NAV2: variants seen among roughly 807,000 people sequenced by gnomAD.
NAV2 encodes the protein helicase, APC down-regulated 1.
Under a neutral mutation model 223.2 loss-of-function variants are expected in NAV2, and 54 were observed. That is an observed-to-expected ratio of 0.24 (90% CI 0.19 to 0.30). The LOEUF (loss-of-function observed/expected upper bound fraction) is 0.30, where lower values mean the gene tolerates loss of function less well. Among genes scored for constraint, NAV2 ranks in the 10% least tolerant of loss-of-function variants. The pLI, the probability that NAV2 is intolerant of heterozygous loss-of-function variation, is 1.00. For missense variants in NAV2, 2,806 were observed against 3,147.5 expected, an observed-to-expected ratio of 0.89 and a Z score of 2.60; for synonymous variants, 1,279 against 1,239.3, an observed-to-expected ratio of 1.03 and a Z score of -0.67.
intron 15 of NAV2, 51 bp downstream of exon 15, chr11:20,049,246 A>G: frequency 7.5e-7 from 1 of 1,327,046 alleles, no homozygotes; most frequent in South Asian, 1.4e-5. Flanking sequence ...CCTTCCAAAA[A>G]TAAAAAGATT....
At chr11:19,808,599 A>G (rs1306914351) in intron 1 of NAV2, among the ~76,000 whole-genome samples, 5 of 152,230 alleles carry the variant, frequency 3.3e-5, no homozygotes, top group Non-Finnish European at 7.3e-5. Context: ...TAGCAAGTTT[A>G]TCTGCTAGTG....
intron 8 of NAV2, among the ~76,000 whole-genome samples, chr11:19,944,479 T>C (rs1565612544): frequency 1.3e-5 from 2 of 151,614 alleles, no homozygotes; most frequent in South Asian, 4.2e-4. Flanking sequence ...TCTCTTCTTC[T>C]CCTTTCCCCT....
At chr11:19,622,213 T>C (rs1378055941) in intron 1 of NAV2, among the ~76,000 whole-genome samples, 1 of 152,244 alleles carries the variant, frequency 6.6e-6, no homozygotes, top group Non-Finnish European at 1.5e-5. Flanking sequence ...GATGTGGTGC[T>C]GAGAAGAATG....
rs917577474 is a variant in NAV2, at chr11:19,799,057, G to A, written c.268-33427G>A. Reference sequence around the variant, plus strand: ...GCAAGACCATGCCAAGGTCTCAGGGGCTGGGACTTTATCTTGAGGATAATA... The same window carrying A: ...GCAAGACCATGCCAAGGTCTCAGGGACTGGGACTTTATCTTGAGGATAATA... On this transcript the variant is annotated intron_variant, in intron 1 of 37. Coordinates refer to ENST00000349880, the MANE Select transcript of NAV2 (RefSeq NM_145117.5). 9.9e-5 allele frequency among the ~76,000 whole-genome samples: 15 copies of A among 152,202 alleles called. 1 individual carries two copies. Among genetic ancestry groups the A allele is most frequent in the Admixed American group, 9.8e-4 (15 of 15,282 alleles).
chr11:19,615,612 T>A (rs1005482892), intron 1 of NAV2, among the ~76,000 whole-genome samples: 1 of 152,140 alleles, frequency 6.6e-6, no homozygotes, highest in African/African-American at 2.4e-5. Context: ...TATATACATA[T>A]ACACATATAT....
chr11:19,381,172 A>T (rs1473573482), intron 1 of NAV2, among the ~76,000 whole-genome samples: 1 of 151,980 alleles, frequency 6.6e-6, no homozygotes, highest in Non-Finnish European at 1.5e-5. Context: ...TGACCCACCA[A>T]AGTTGAGGGA....
chr11:19,722,529 C>T (rs1301199785), intron 1 of NAV2, among the ~76,000 whole-genome samples: 3 of 152,184 alleles, frequency 2.0e-5, no homozygotes, highest in Admixed American at 6.5e-5. Flanking sequence ...TGTTCCATAG[C>T]CTGGCCATTA....
Position 19,907,509 on chromosome 11 carries a change from C to T in NAV2, c.931+14915C>T, listed in dbSNP as rs570564931. On this transcript the variant is annotated intron_variant, in intron 6 of 37. Transcript: ENST00000349880. ...TGTCACTTATTGATTCTTGAAATTC[C>T]CCCACTGCCACTCATAGGGGGAGGG... 7.0e-4 allele frequency among the ~76,000 whole-genome samples: 92 copies of T among 130,884 alleles called. 1 individual carries two copies. Among genetic ancestry groups the T allele is most frequent in the Middle Eastern group, 7.8e-3 (2 of 256 alleles). 85.9% of individuals were successfully genotyped at this position (130,884 alleles called of 152,430 possible). A position where few individuals can be genotyped will look rare whatever the true frequency, so the allele number is the denominator to read the frequency against.
chr11:19,701,835 G>A (rs1400583995), intron 1 of NAV2, among the ~76,000 whole-genome samples: 5 of 152,178 alleles, frequency 3.3e-5, no homozygotes. Flanking sequence ...TGGATTTGGA[G>A]AGGGAACGGA....
At chr11:19,749,398 T>C (rs1447943332) in intron 1 of NAV2, among the ~76,000 whole-genome samples, 1 of 152,226 alleles carries the variant, frequency 6.6e-6, no homozygotes, top group African/African-American at 2.4e-5. Context: ...TAAAATGTCG[T>C]TATTTTTTAT....
intron 6 of NAV2, among the ~76,000 whole-genome samples, chr11:19,920,285 T>G (rs373559800): frequency 4.6e-5 from 7 of 152,214 alleles, no homozygotes; most frequent in Non-Finnish European, 8.8e-5. Flanking sequence ...AATAAACCTG[T>G]TAAATTATTA....
At chr11:19,395,639 G>A (rs867307684) in intron 1 of NAV2, among the ~76,000 whole-genome samples, 22 of 152,332 alleles carry the variant, frequency 1.4e-4, no homozygotes, top group Middle Eastern at 3.4e-3. Context: ...GACAGCGGCT[G>A]AGCCACTAAA....
intron 26 of NAV2, among the ~76,000 whole-genome samples, chr11:20,085,136 G>T (rs1370953059): frequency 1.3e-5 from 2 of 151,486 alleles, no homozygotes; most frequent in Non-Finnish European, 1.5e-5. Flanking sequence ...TGAGACTCCA[G>T]TGAGCTGTGA....
In NAV2 at chr11:19,929,213, G is replaced by A. The variant is rs149701537; in HGVS notation, c.932-3963G>A. Reference sequence around the variant, plus strand: ...GGTTGCAGTGAGCCAAGATCGAGCCGCTGCACTGCAGCCTGGGTGACAGAG... The same window carrying A: ...GGTTGCAGTGAGCCAAGATCGAGCCACTGCACTGCAGCCTGGGTGACAGAG... On this transcript the variant is annotated intron_variant, in intron 6 of 37. Transcript: ENST00000349880. 6.5e-3 allele frequency among the ~76,000 whole-genome samples: 996 copies of A among 152,182 alleles called. 12 individuals are homozygous for A. The highest frequency in any genetic ancestry group is 0.022 in the African/African-American group (900 of 41,528).
intron 1 of NAV2, among the ~76,000 whole-genome samples, chr11:19,593,137 C>T (rs915530422): frequency 2.0e-5 from 3 of 152,132 alleles, no homozygotes; most frequent in African/African-American, 4.8e-5. Context: ...AGAGTCATAC[C>T]CACCCCTCTC....
At chr11:19,638,144 C>T (rs1314494213) in intron 1 of NAV2, among the ~76,000 whole-genome samples, 1 of 152,204 alleles carries the variant, frequency 6.6e-6, no homozygotes, top group African/African-American at 2.4e-5. Context: ...GCAGGAGCTA[C>T]TAGATTTCTA....
At chr11:19,844,827 T>G (rs569485725) in intron 3 of NAV2, among the ~76,000 whole-genome samples, 226 of 152,046 alleles carry the variant, frequency 1.5e-3, no homozygotes, top group Non-Finnish European at 1.9e-3. Flanking sequence ...TGTGTGTTTT[T>G]TTTTTTTTTT....
At chr11:19,783,024 G>C (rs1305144867) in intron 1 of NAV2, among the ~76,000 whole-genome samples, 1 of 152,176 alleles carries the variant, frequency 6.6e-6, no homozygotes, top group Non-Finnish European at 1.5e-5. Flanking sequence ...CTGTGTGCTT[G>C]CTGGGAACAT....
intron 4 of NAV2, among the ~76,000 whole-genome samples, chr11:19,872,915 A>G (rs11025304): frequency 0.44 from 67,421 of 152,092 alleles, 15,496 homozygotes; most frequent in East Asian, 0.52. Context: ...GATGTGCCAG[A>G]GTCCTGTGAG....
Sources: gnomAD v4.1 joint callset for allele counts (sites outside exome capture counted in the v4.1 genomes callset) on GRCh38, gnomAD v4.1.1 for gene constraint, MANE v1.5 for transcripts, NCBI Gene and HGNC (gene_info 2026-07-23, HGNC 2026-07-21) for gene names.